Variants in APBB2 observed in about 807,000 individuals in gnomAD.
APBB2 encodes the protein Fe65-like 1.
Under a neutral mutation model 82.5 loss-of-function variants are expected in APBB2, and 38 were observed. That is an observed-to-expected ratio of 0.46 (90% confidence interval 0.36 to 0.60). The LOEUF (loss-of-function observed/expected upper bound fraction) is 0.60, where lower values mean the gene tolerates loss of function less well. Among genes scored for constraint, APBB2 ranks in the 20% least tolerant of loss-of-function variants. APBB2 has a pLI of 0.00. For synonymous variants in APBB2, 341 were observed against 368.2 expected (o/e 0.93, Z 0.85); for missense variants, 772 against 972.3 (o/e 0.79, Z 2.74).
At position 40,814,497 on chromosome 4, in the gene APBB2, T is replaced by G. The variant is rs1351643812; in HGVS notation, c.*1595A>C. On this transcript the variant is annotated 3_prime_UTR_variant, in exon 18 of 18. Transcript: ENST00000508593. ...AGATCTTAGGCCAGTGGGTTTAGCC[T>G]CTCGGTACTTCATATTTTTACTTCT... 1 of 152,200 alleles carries G rather than the reference T, an allele frequency of 6.6e-6. No individual in the cohort carries two copies. Among genetic ancestry groups the G allele is most frequent in the East Asian group, 1.9e-4 (1 of 5,194 alleles). 9.4% of individuals were successfully genotyped at this position (152,200 alleles called of 1,614,324 possible). A position where few individuals can be genotyped will look rare whatever the true frequency, so the allele number is the denominator to read the frequency against.
rs1768266691 is a variant in APBB2, at chr4:40,880,840, C to T, written c.1529+9524G>A. On this transcript the variant is annotated intron_variant, in intron 12 of 17. Coordinates refer to ENST00000508593, the MANE Select transcript of APBB2 (RefSeq NM_004307.2). ...ACTGGCTGCTACTGAAACATGCTCA[C>T]AAGAAATCCTGAACCATGCTTTGAG... is the stretch of plus-strand genomic sequence containing the variant. The T allele has an allele frequency of 3.1e-6, 3 of 980,528 alleles. No homozygotes were observed. In the African/African-American group the frequency reaches 5.2e-5, roughly 17 times the overall value. The allele number at this position is 980,528 out of a possible 1,614,324, so 60.7% of individuals were successfully genotyped here.
intron 3 of APBB2, among the ~76,000 whole-genome samples, chr4:41,076,315 C>A (rs1488952609): frequency 6.6e-6 from 1 of 152,166 alleles, no homozygotes; most frequent in Non-Finnish European, 1.5e-5. Flanking sequence ...GCTTGCAAGT[C>A]ATTTTAAGGA....
chr4:41,108,208 C>T (rs527824607), intron 2 of APBB2, among the ~76,000 whole-genome samples: 4 of 152,270 alleles, frequency 2.6e-5, no homozygotes, highest in African/African-American at 9.6e-5. Flanking sequence ...ACACCTTATA[C>T]AGCAGACTGG....
At chr4:40,912,666 C>T (rs1351494230) in intron 10 of APBB2, among the ~76,000 whole-genome samples, 1 of 151,776 alleles carries the variant, frequency 6.6e-6, no homozygotes, top group Non-Finnish European at 1.5e-5. Flanking sequence ...CCTGGAGGAA[C>T]AGTGAACACG....
At chr4:40,952,636 C>T (rs190176167) in intron 6 of APBB2, among the ~76,000 whole-genome samples, 3 of 152,264 alleles carry the variant, frequency 2.0e-5, no homozygotes, top group Admixed American at 1.3e-4. Flanking sequence ...GGGTGTGAGG[C>T]CTTTATTTGG....
chr4:41,211,426 T>C (rs546927257), intron 1 of APBB2, among the ~76,000 whole-genome samples: 261 of 149,882 alleles, frequency 1.7e-3, no homozygotes, highest in Non-Finnish European at 3.3e-3. Flanking sequence ...TAAGGTGTTA[T>C]ATCACAAGGG....
intron 6 of APBB2, among the ~76,000 whole-genome samples, chr4:40,981,452 T>C (rs1798465064): frequency 1.3e-5 from 2 of 152,138 alleles, no homozygotes; most frequent in South Asian, 4.1e-4. Context: ...CTGATGTTGA[T>C]TGGGAAGCTG....
intron 6 of APBB2, among the ~76,000 whole-genome samples, chr4:40,959,818 T>C (rs184980242): frequency 1.3e-5 from 2 of 152,354 alleles, no homozygotes; most frequent in East Asian, 1.9e-4. Context: ...TCCAGAGCAC[T>C]ACAGGACTTC....
intron 17 of APBB2, 116 bp from the exon 18 acceptor site, chr4:40,816,375 C>G: frequency 9.5e-7 from 1 of 1,051,570 alleles, no homozygotes; most frequent in Non-Finnish European, 1.4e-6. Flanking sequence ...GACCTAGTTC[C>G]TAAACATAAA....
At chr4:41,048,362 G>A (rs1486207702) in intron 4 of APBB2, among the ~76,000 whole-genome samples, 1 of 152,186 alleles carries the variant, frequency 6.6e-6, no homozygotes, top group African/African-American at 2.4e-5. Flanking sequence ...CAAACATCTT[G>A]TATAAGAGAC....
intron 1 of APBB2, among the ~76,000 whole-genome samples, chr4:41,155,370 A>G (rs1038689978): frequency 3.9e-5 from 6 of 152,264 alleles, no homozygotes; most frequent in African/African-American, 9.6e-5. Flanking sequence ...GTGACCACAG[A>G]TAACTGTAGT....
intron 10 of APBB2, among the ~76,000 whole-genome samples, chr4:40,918,486 G>T (rs1427169314): frequency 6.6e-6 from 1 of 152,200 alleles, no homozygotes; most frequent in African/African-American, 2.4e-5. Flanking sequence ...CCTATCTCTT[G>T]GACAGTAAGA....
chr4:40,887,410 C>G lies in APBB2; in HGVS notation c.1529+2954G>C, dbSNP rs150640600. On this transcript the variant is annotated intron_variant, in intron 12 of 17. Transcript: ENST00000508593. ...AATCCCTGAAGAGATTCCACTTTCT[C>G]AGCAAGGAAAGTTACAAAAGAGAAT... Among the ~76,000 whole-genome samples, 1,047 of 152,286 alleles carry G rather than the reference C, an allele frequency of 6.9e-3. 16 individuals are homozygous for G. The highest frequency in any genetic ancestry group is 0.024 in the African/African-American group (1,002 of 41,554).
intron 6 of APBB2, among the ~76,000 whole-genome samples, chr4:40,964,948 G>A (rs994546086): frequency 4.6e-5 from 7 of 152,014 alleles, no homozygotes; most frequent in South Asian, 2.1e-4. Context: ...GTGAAACCCC[G>A]TCTCTACTAA....
intron 10 of APBB2, among the ~76,000 whole-genome samples, chr4:40,896,835 A>G (rs772648604): frequency 9.2e-5 from 14 of 152,132 alleles, no homozygotes; most frequent in Non-Finnish European, 1.9e-4. Flanking sequence ...TCTGGCATGG[A>G]AACTGGGGCT....
intron 12 of APBB2, among the ~76,000 whole-genome samples, chr4:40,872,642 G>A (rs1361841949): frequency 6.6e-6 from 1 of 152,172 alleles, no homozygotes; most frequent in Non-Finnish European, 1.5e-5. Context: ...AATAGAGGAA[G>A]AAGGAGGGAG....
intron 6 of APBB2, among the ~76,000 whole-genome samples, chr4:41,000,261 CTAAATAAA>C (rs139090995): frequency 1.3e-4 from 20 of 150,614 alleles, no homozygotes; most frequent in Non-Finnish European, 1.6e-4. Context: ...GACCCTGTCT[CTAAATAAA>C]TAAATAAATA....
At chr4:40,945,153 C>G (rs1422344351) in intron 6 of APBB2, 80 bp from the exon 7 acceptor site, 1 of 1,077,192 alleles carries the variant, frequency 9.3e-7, no homozygotes, top group African/African-American at 1.5e-5. Context: ...TCAGGTGAAC[C>G]CCAAAGGCAG....
At chr4:40,913,503 C>T (rs114386016) in intron 10 of APBB2, among the ~76,000 whole-genome samples, 2,105 of 152,214 alleles carry the variant, frequency 0.014, 49 homozygotes, top group African/African-American at 0.048. Flanking sequence ...AAATACACTC[C>T]ATCCCCATCA....
Sources: allele counts gnomAD v4.1 joint callset (sites outside exome capture counted in the v4.1 genomes callset), GRCh38; gene constraint gnomAD v4.1.1; transcripts MANE v1.5; gene names NCBI Gene and HGNC (gene_info 2026-07-23, HGNC 2026-07-21).